SESTD1: variants seen among roughly 807,000 people sequenced by gnomAD.
The protein encoded by SESTD1 is SEC14 domain and spectrin repeat-containing protein 1.
A neutral mutation model predicts 101.7 loss-of-function variants in SESTD1; 43 were observed. The observed-to-expected ratio is 0.42, with a 90% CI of 0.33 to 0.55. The LOEUF is 0.55. SESTD1 is among the 20% of genes least tolerant of loss of function. The probability of loss-of-function intolerance (pLI) is 0.07; values close to 1 mark genes in which losing one functional copy is unlikely to be tolerated. For synonymous variants in SESTD1, 283 were observed against 286.8 expected, an observed-to-expected ratio of 0.99 and a Z score of 0.13; for missense variants, 647 against 815.1, an observed-to-expected ratio of 0.79 and a Z score of 2.51.
intron 17 of SESTD1, among the ~76,000 whole-genome samples, chr2:179,111,563 G>A (rs936252170): frequency 2.6e-5 from 4 of 152,154 alleles, no homozygotes; most frequent in African/African-American, 9.7e-5. Context: ...AGAGTGCACA[G>A]ACTCATCACA....
At chr2:179,196,310 C>A (rs2105502119) in intron 1 of SESTD1, among the ~76,000 whole-genome samples, 1 of 152,340 alleles carries the variant, frequency 6.6e-6, no homozygotes, top group African/African-American at 2.4e-5. Flanking sequence ...GGTCCTACAC[C>A]CACGGAGTCT....
intron 1 of SESTD1, among the ~76,000 whole-genome samples, chr2:179,261,419 G>C (rs1205742492): frequency 6.6e-6 from 1 of 151,886 alleles, no homozygotes; most frequent in African/African-American, 2.4e-5. Flanking sequence ...TAACTGTAAG[G>C]TTAAAAAAAC....
In SESTD1 at chr2:179,109,883, A is replaced by T. The variant is rs1018691788; in HGVS notation, c.*16T>A. On this transcript the variant is annotated 3_prime_UTR_variant, in exon 18 of 18. Transcript: ENST00000428443. ...GCGGGATTATGAACTGCAAATCTGT[A>T]GGTAGCTGGTAGCTATTAGCTCTCT... 6.2e-7 allele frequency: 1 copy of T among 1,612,938 alleles called. No individual in the cohort carries two copies. Among genetic ancestry groups the T allele is most frequent in the Admixed American group, 1.7e-5 (1 of 59,900 alleles).
intron 14 of SESTD1, among the ~76,000 whole-genome samples, chr2:179,117,035 CATAATA>C (rs374708234): frequency 5.9e-5 from 9 of 152,294 alleles, no homozygotes; most frequent in South Asian, 2.1e-4. Flanking sequence ...ATTAATATCA[CATAATA>C]AAAGATCATG....
Position 179,151,401 on chromosome 2 carries a change from G to C in SESTD1, c.370-10C>G. ...CGGACACTAAAATAACCTATAAAAA[G>C]GTTAAAAGAAAAGAAACATTTAGTA... is the stretch of plus-strand genomic sequence containing the variant. On this transcript the variant is annotated splice_polypyrimidine_tract_variant and intron_variant, in intron 5 of 17. Coordinates refer to ENST00000428443, the MANE Select transcript of SESTD1 (RefSeq NM_178123.5). The C allele has an allele frequency of 6.4e-7, 1 of 1,568,098 alleles. No individual in the cohort carries two copies. The highest frequency in any genetic ancestry group is 8.6e-7 in the Non-Finnish European group (1 of 1,160,688).
chr2:179,194,030 A>G (rs896050010), intron 1 of SESTD1, among the ~76,000 whole-genome samples: 3 of 152,066 alleles, frequency 2.0e-5, no homozygotes, highest in African/African-American at 7.2e-5. Context: ...GTGCATGACT[A>G]TATTCTCTGG....
At chr2:179,126,743 C>T (rs1478404115) in intron 10 of SESTD1, among the ~76,000 whole-genome samples, 1 of 152,144 alleles carries the variant, frequency 6.6e-6, no homozygotes, top group Non-Finnish European at 1.5e-5. Flanking sequence ...ATCTGGATGA[C>T]TACTAGATAT....
intron 1 of SESTD1, among the ~76,000 whole-genome samples, chr2:179,257,774 T>C (rs896765647): frequency 3.9e-5 from 6 of 152,202 alleles, no homozygotes; most frequent in African/African-American, 1.4e-4. Flanking sequence ...GGCTTTCTAG[T>C]AGCCATAACA....
intron 1 of SESTD1, among the ~76,000 whole-genome samples, chr2:179,200,301 G>A (rs1357460182): frequency 2.6e-5 from 4 of 152,152 alleles, no homozygotes; most frequent in Non-Finnish European, 4.4e-5. Flanking sequence ...AATATTCCAT[G>A]CTCATGGGTA....
At position 179,106,629 on chromosome 2, in the gene SESTD1, A is replaced by G. The variant is rs1467778535; in HGVS notation, c.*3270T>C. 6.6e-6 allele frequency: 1 copy of G among 152,180 alleles called. No individual in the cohort carries two copies. Among genetic ancestry groups the G allele is most frequent in the Admixed American group, 6.6e-5 (1 of 15,264 alleles). The allele number at this position is 152,180 out of a possible 1,614,324, so 9.4% of individuals were successfully genotyped here. ...ACGAAATAACAAACATGTTAAGACT[A>G]GCTAACACATGGGAGCAATAGCCAA... is the stretch of plus-strand genomic sequence containing the variant. On this transcript the variant is annotated 3_prime_UTR_variant, in exon 18 of 18. Coordinates refer to ENST00000428443, the MANE Select transcript of SESTD1 (RefSeq NM_178123.5).
intron 3 of SESTD1, among the ~76,000 whole-genome samples, chr2:179,178,821 G>C (rs930421721): frequency 6.6e-6 from 1 of 152,252 alleles, no homozygotes; most frequent in South Asian, 2.1e-4. Context: ...TGAGATGCAG[G>C]TTACACAACC....
At chr2:179,176,311 T>C in intron 4 of SESTD1, 137 bp downstream of exon 4, 3 of 649,754 alleles carry the variant, frequency 4.6e-6, no homozygotes, top group Non-Finnish European at 8.1e-6. Flanking sequence ...AATCCAATAG[T>C]GATAAGTGCA....
chr2:179,177,442 T>C (rs2046030754), intron 3 of SESTD1, among the ~76,000 whole-genome samples: 1 of 152,168 alleles, frequency 6.6e-6, no homozygotes, highest in South Asian at 2.1e-4. Context: ...CCCAGTTACA[T>C]ACATTATAGG....
At chr2:179,241,358 G>A (rs1574061172) in intron 1 of SESTD1, among the ~76,000 whole-genome samples, 3 of 152,010 alleles carry the variant, frequency 2.0e-5, no homozygotes, top group East Asian at 3.9e-4. Flanking sequence ...CATAAAGAAG[G>A]TGAATGAAGC....
At chr2:179,184,776 A>C (rs74960631) in intron 2 of SESTD1, among the ~76,000 whole-genome samples, 8,452 of 152,196 alleles carry the variant, frequency 0.056, 319 homozygotes, top group South Asian at 0.14. Flanking sequence ...GCCAAGCCCC[A>C]AAAAAGGCTC....
intron 2 of SESTD1, among the ~76,000 whole-genome samples, chr2:179,186,051 CA>C (rs1194213273): frequency 7.0e-6 from 1 of 143,838 alleles, no homozygotes; most frequent in Non-Finnish European, 1.5e-5. Flanking sequence ...ATAGCATATA[CA>C]ATATAGTATA....
At chr2:179,259,332 A>G (rs2105562245) in intron 1 of SESTD1, among the ~76,000 whole-genome samples, 1 of 152,230 alleles carries the variant, frequency 6.6e-6, no homozygotes, top group Non-Finnish European at 1.5e-5. Context: ...CCCGGGTTCA[A>G]GCAATTCTCT....
chr2:179,240,535 G>C (rs1010272607), intron 1 of SESTD1, among the ~76,000 whole-genome samples: 2 of 151,896 alleles, frequency 1.3e-5, no homozygotes, highest in Non-Finnish European at 2.9e-5. Flanking sequence ...CTGTAAAACC[G>C]GCAACCTGGA....
In SESTD1 at chr2:179,103,059, A is replaced by T. The variant is rs2044306218; in HGVS notation, c.*6840T>A. On this transcript the variant is annotated 3_prime_UTR_variant, in exon 18 of 18. Transcript: ENST00000428443. ...ATGATCAGTCTTACTTTACCTACTGAAAACGGGTGGTGAAAGTTAGTAACA... is the reference window on the plus strand; with the variant it reads ...ATGATCAGTCTTACTTTACCTACTGTAAACGGGTGGTGAAAGTTAGTAACA... 6.6e-6 allele frequency: 1 copy of T among 152,116 alleles called. No individual in the cohort carries two copies. The highest frequency in any genetic ancestry group is 1.5e-5 in the Non-Finnish European group (1 of 68,008). 9.4% of individuals were successfully genotyped at this position (152,116 alleles called of 1,614,324 possible).
Sources: allele counts gnomAD v4.1 joint callset (sites outside exome capture counted in the v4.1 genomes callset), GRCh38; gene constraint gnomAD v4.1.1; transcripts MANE v1.5; gene names NCBI Gene and HGNC (gene_info 2026-07-23, HGNC 2026-07-21).